The following ARID2 variants were observed in gnomAD, a reference collection of about 807,000 sequenced individuals.
ARID2 encodes AT-rich interaction domain 2, also known as AT-rich interactive domain-containing protein 2.
A neutral mutation model predicts 184.6 loss-of-function variants in ARID2; 32 were observed. The observed-to-expected ratio is 0.17, with a 90% confidence interval of 0.13 to 0.23. ARID2 has a LOEUF of 0.23. Ranked by LOEUF, ARID2 falls within the 10% of genes least tolerant of loss-of-function variation. The pLI, the probability that ARID2 is intolerant of heterozygous loss-of-function variation, is 1.00. For synonymous variants in ARID2, 836 were observed against 772.6 expected (o/e 1.08, Z -1.36); for missense variants, 1,696 against 2,197.6 (o/e 0.77, Z 4.56).
In ARID2 at chr12:45,850,647, T is replaced by A. The variant is rs1943530674; in HGVS notation, c.2524T>A (p.Ser842Thr). ...SSQQTSAGSQSQDTVIIAPPQ... is the reference protein window; with the variant it reads ...SSQQTSAGSQTQDTVIIAPPQ... Reference sequence around the variant, plus strand: ...TCAACAGACATCAGCTGGTAGCCAGTCACAAGATACTGTTATCATAGCACC... The same window carrying A: ...TCAACAGACATCAGCTGGTAGCCAGACACAAGATACTGTTATCATAGCACC... Residue 842 changes from serine to threonine, a missense_variant, in exon 15 of 21, where the codon TCA becomes ACA. Around this residue, in one of 11 missense-constraint regions of ARID2, gnomAD observed 713 missense variants for 824.4 expected, o/e 0.86. Coordinates refer to ENST00000334344, the MANE Select transcript of ARID2 (RefSeq NM_152641.4). 2 of 1,613,974 alleles carry A rather than the reference T, an allele frequency of 1.2e-6. No homozygotes were observed. Among genetic ancestry groups the A allele is most frequent in the African/African-American group, 2.7e-5 (2 of 74,894 alleles).
At chr12:45,856,067 CTTTT>C (rs930473740) in intron 15 of ARID2, among the ~76,000 whole-genome samples, 3 of 74,614 alleles carry the variant, frequency 4.0e-5, no homozygotes, top group South Asian at 4.8e-4. Flanking sequence ...TTCTTCTTTT[CTTTT>C]TTTTTTTTTT....
chr12:45,761,539 A>G (rs1941679159), intron 3 of ARID2, among the ~76,000 whole-genome samples: 1 of 152,088 alleles, frequency 6.6e-6, no homozygotes, highest in South Asian at 2.1e-4. Flanking sequence ...GGATAGGGTA[A>G]TGTTTTATTG....
chr12:45,731,833 C>A (rs1941009067), intron 3 of ARID2, among the ~76,000 whole-genome samples: 1 of 151,248 alleles, frequency 6.6e-6, no homozygotes, highest in African/African-American at 2.4e-5. Context: ...GCTTAGGTGA[C>A]CAGGATTGTT....
In ARID2 at chr12:45,858,364, AAAAG is replaced by A. The variant is rs150726027; in HGVS notation, c.4774-2421_4774-2418del. ...TGACAGAGCAAAACCCTATCTAAAA[AAAAG>A]AAAGAAAGAAAGAAACTTTCCTTTT... On this transcript the variant is annotated intron_variant, in intron 15 of 20. Transcript: ENST00000334344. Among the ~76,000 whole-genome samples the A allele has an allele frequency of 9.1e-3, 1,390 of 152,250 alleles. 18 individuals are homozygous for A. The highest frequency in any genetic ancestry group is 0.031 in the African/African-American group (1,274 of 41,548).
intron 3 of ARID2, among the ~76,000 whole-genome samples, chr12:45,732,639 T>C (rs1941025360): frequency 6.6e-6 from 1 of 152,198 alleles, no homozygotes; most frequent in African/African-American, 2.4e-5. Flanking sequence ...TTTGCTCATT[T>C]CTATTTATGA....
At chr12:45,824,736 A>G (rs1355799939) in intron 6 of ARID2, among the ~76,000 whole-genome samples, 1 of 152,002 alleles carries the variant, frequency 6.6e-6, no homozygotes, top group Non-Finnish European at 1.5e-5. Context: ...ATTTATCCAA[A>G]GGAGAGGAAA....
At chr12:45,843,622 G>T (rs1377710655) in intron 11 of ARID2, among the ~76,000 whole-genome samples, 2 of 152,104 alleles carry the variant, frequency 1.3e-5, no homozygotes, top group Admixed American at 6.6e-5. Flanking sequence ...CTCATGAGAT[G>T]CAGATGCTGC....
At chr12:45,747,189 A>G (rs995547925) in intron 3 of ARID2, among the ~76,000 whole-genome samples, 3 of 152,224 alleles carry the variant, frequency 2.0e-5, no homozygotes, top group Admixed American at 1.3e-4. Context: ...AAATATGAAA[A>G]TGGTTAGGGT....
intron 4 of ARID2, among the ~76,000 whole-genome samples, chr12:45,816,940 C>CT (rs1942814186): frequency 6.6e-6 from 1 of 152,194 alleles, no homozygotes; most frequent in South Asian, 2.1e-4. Flanking sequence ...TATATCTTGA[C>CT]TGTGATGATT....
At chr12:45,794,343 G>A (rs7132422) in intron 3 of ARID2, among the ~76,000 whole-genome samples, 92,492 of 152,062 alleles carry the variant, frequency 0.61, 29,918 homozygotes, top group African/African-American at 0.85. Flanking sequence ...ATTTTTTCTT[G>A]TTATTAATTT....
At chr12:45,791,680 A>T (rs1158390585) in intron 3 of ARID2, among the ~76,000 whole-genome samples, 1 of 151,744 alleles carries the variant, frequency 6.6e-6, no homozygotes, top group African/African-American at 2.4e-5. Context: ...TGCAGTCTGG[A>T]CCTCCCTGGG....
chr12:45,809,007 A>C (rs1795605808), intron 3 of ARID2, among the ~76,000 whole-genome samples: 1 of 151,764 alleles, frequency 6.6e-6, no homozygotes, highest in South Asian at 2.1e-4. Flanking sequence ...CTCAAGAGAT[A>C]CTCCCACCTC....
chr12:45,882,441 T>A (rs1944121436), intron 16 of ARID2, among the ~76,000 whole-genome samples: 1 of 152,218 alleles, frequency 6.6e-6, no homozygotes, highest in Non-Finnish European at 1.5e-5. Flanking sequence ...TGCAAGTGAT[T>A]AAAAACTTAC....
intron 3 of ARID2, among the ~76,000 whole-genome samples, chr12:45,760,586 C>G (rs568882310): frequency 1.4e-4 from 21 of 151,754 alleles, no homozygotes; most frequent in Non-Finnish European, 1.8e-4. Context: ...TACATTGAGA[C>G]TGTATATATG....
intron 20 of ARID2, among the ~76,000 whole-genome samples, chr12:45,899,882 A>G (rs1944434938): frequency 6.6e-6 from 1 of 151,200 alleles, no homozygotes; most frequent in African/African-American, 2.4e-5. Flanking sequence ...TAACTTATCT[A>G]ATTTTATACA....
intron 3 of ARID2, among the ~76,000 whole-genome samples, chr12:45,775,918 G>A (rs562566248): frequency 2.6e-5 from 4 of 152,280 alleles, no homozygotes; most frequent in Non-Finnish European, 5.9e-5. Flanking sequence ...AACCTACGTT[G>A]TTGTAATAAT....
chr12:45,890,787 C>T (rs1228743657), intron 16 of ARID2, among the ~76,000 whole-genome samples: 3 of 151,846 alleles, frequency 2.0e-5, no homozygotes, highest in South Asian at 2.1e-4. Flanking sequence ...ATTTGTTACA[C>T]GTTAAAAACT....
intron 4 of ARID2, 35 bp from the exon 5 acceptor site, chr12:45,817,619 ATAAAGGTATCTGATCT>A (rs762631051): frequency 4.6e-6 from 6 of 1,304,590 alleles, no homozygotes; most frequent in African/African-American, 1.5e-5. Context: ...GATATTCACC[ATAAAGGTATCTGATCT>A]TTGATATACT....
intron 16 of ARID2, among the ~76,000 whole-genome samples, chr12:45,873,298 C>A (rs1943954181): frequency 6.6e-6 from 1 of 151,954 alleles, no homozygotes; most frequent in Admixed American, 6.6e-5. Context: ...TCTTATTATC[C>A]TCTCTGTCTT....
Sources: gnomAD v4.1 joint callset for allele counts (sites outside exome capture counted in the v4.1 genomes callset) on GRCh38, gnomAD v4.1.1 for gene constraint, gnomAD v4.1.1 regional missense constraint, MANE v1.5 for transcripts, NCBI Gene and HGNC (gene_info 2026-07-23, HGNC 2026-07-21) for gene names.